Variants in STXBP4 observed in about 807,000 individuals in gnomAD.
The protein encoded by STXBP4 is syntaxin-binding protein 4.
STXBP4 carries 55 observed loss-of-function variants against 76.1 expected under a neutral mutation model. The ratio of observed to expected loss-of-function variants is 0.72; its 90% CI spans 0.58 to 0.91. STXBP4 has a LOEUF of 0.91. Ranked by LOEUF, STXBP4 falls within the 40% of genes least tolerant of loss-of-function variation. The pLI is 0.00. For synonymous variants in STXBP4, 201 were observed against 220.2 expected (o/e 0.91, Z 0.77); for missense variants, 618 against 636.9 (o/e 0.97, Z 0.32).
intron 12 of STXBP4, among the ~76,000 whole-genome samples, chr17:55,052,518 A>G (rs2078871168): frequency 1.3e-5 from 2 of 152,144 alleles, no homozygotes; most frequent in African/African-American, 4.8e-5. Flanking sequence ...TCAGTATTTT[A>G]TATCTATTTT....
At chr17:55,106,711 C>T (rs2079639296) in intron 16 of STXBP4, among the ~76,000 whole-genome samples, 1 of 152,162 alleles carries the variant, frequency 6.6e-6, no homozygotes. Context: ...ATTTCTTCTT[C>T]ACTTATGATG....
At chr17:55,000,677 C>G in intron 6 of STXBP4, 131 bp from the exon 7 acceptor site, 1 of 700,164 alleles carries the variant, frequency 1.4e-6, no homozygotes, top group Admixed American at 3.0e-5. Context: ...ATGCATATAC[C>G]AAAATTTTAG....
chr17:54,980,212 G>A (rs1335063809), intron 1 of STXBP4, among the ~76,000 whole-genome samples: 1 of 151,832 alleles, frequency 6.6e-6, no homozygotes, highest in East Asian at 1.9e-4. Flanking sequence ...GGGTGGGAGG[G>A]AAATTATTTT....
rs2080349961 is a variant in STXBP4 at position 55,162,977 on chromosome 17, A to C, written c.*3066A>C. 1 of 152,180 alleles carries C rather than the reference A, an allele frequency of 6.6e-6. No homozygotes were observed. The highest frequency in any genetic ancestry group is 2.4e-5 in the African/African-American group (1 of 41,440). The allele number at this position is 152,180 out of a possible 1,614,324, so 9.4% of individuals were successfully genotyped here. On this transcript the variant is annotated 3_prime_UTR_variant, in exon 18 of 18. Transcript: ENST00000376352. ...TGTCACAGTGAACATTTATATATTC[A>C]TTAAATCCTTTTCCTCATGTATCTT...
At chr17:55,142,920 G>T (rs2080110446) in intron 17 of STXBP4, among the ~76,000 whole-genome samples, 1 of 152,304 alleles carries the variant, frequency 6.6e-6, no homozygotes, top group Admixed American at 6.5e-5. Flanking sequence ...TCTGGAAGGG[G>T]CTCTCTAGCA....
intron 4 of STXBP4, among the ~76,000 whole-genome samples, chr17:54,998,660 GATT>G (rs2077854334): frequency 6.6e-6 from 1 of 152,072 alleles, no homozygotes. Flanking sequence ...TAGTAAAAAA[GATT>G]ATGCTGAAAT....
chr17:55,096,797 T>C, intron 16 of STXBP4, among the ~76,000 whole-genome samples: 1 of 152,140 alleles, frequency 6.6e-6, no homozygotes, highest in East Asian at 1.9e-4. Context: ...ACCTTAAAAC[T>C]GGGGATGCAC....
At chr17:55,001,907 C>T (rs1434676908) in intron 7 of STXBP4, among the ~76,000 whole-genome samples, 1 of 152,202 alleles carries the variant, frequency 6.6e-6, no homozygotes, top group East Asian at 1.9e-4. Context: ...GCTGGGATGA[C>T]AGGCGTGAGC....
At chr17:54,992,609 G>A (rs1421922176) in intron 4 of STXBP4, among the ~76,000 whole-genome samples, 3 of 151,518 alleles carry the variant, frequency 2.0e-5, no homozygotes, top group Non-Finnish European at 4.4e-5. Context: ...GTGTGTCTGT[G>A]TGTGTGTGTT....
Position 55,159,922 on chromosome 17 carries a change from T to C in STXBP4, c.*11T>C. ...AACCAGAAAAGTTGATGGTTTTCCTTAGGAAGTGGAGCTACATGGATGATG... is the reference window on the plus strand; with the variant it reads ...AACCAGAAAAGTTGATGGTTTTCCTCAGGAAGTGGAGCTACATGGATGATG... On this transcript the variant is annotated 3_prime_UTR_variant, in exon 18 of 18. Coordinates refer to ENST00000376352, the MANE Select transcript of STXBP4 (RefSeq NM_178509.6). The C allele has an allele frequency of 6.4e-7, 1 of 1,552,536 alleles. No homozygotes were observed. Among genetic ancestry groups the C allele is most frequent in the Non-Finnish European group, 8.9e-7 (1 of 1,124,282 alleles).
chr17:55,107,077 A>T (rs1449939374), intron 16 of STXBP4, among the ~76,000 whole-genome samples: 11 of 152,208 alleles, frequency 7.2e-5, no homozygotes, highest in Admixed American at 7.2e-4. Flanking sequence ...TACACCAATC[A>T]AACATAGGTT....
At chr17:55,134,977 G>A (rs2080012463) in intron 16 of STXBP4, among the ~76,000 whole-genome samples, 1 of 152,116 alleles carries the variant, frequency 6.6e-6, no homozygotes, top group African/African-American at 2.4e-5. Context: ...CCCCTTAAAT[G>A]TCTGTACATC....
chr17:55,101,010 T>G (rs2079557036), intron 16 of STXBP4, among the ~76,000 whole-genome samples: 1 of 152,126 alleles, frequency 6.6e-6, no homozygotes, highest in Admixed American at 6.5e-5. Flanking sequence ...GATTGAAGCC[T>G]TATGAGATCC....
At chr17:55,195,105 C>T in the STXBP4 span, among the ~76,000 whole-genome samples, 1 of 152,188 alleles carries the variant, frequency 6.6e-6, no homozygotes, top group Non-Finnish European at 1.5e-5. Context: ...ATCTAGGTCA[C>T]CTTATGGGTC....
At chr17:55,019,331 T>A (rs893808236) in intron 8 of STXBP4, among the ~76,000 whole-genome samples, 1 of 152,214 alleles carries the variant, frequency 6.6e-6, no homozygotes, top group African/African-American at 2.4e-5. Flanking sequence ...CTTCTCTTGC[T>A]ATTCTTTTAG....
chr17:55,118,731 G>A (rs1285334247), intron 16 of STXBP4, among the ~76,000 whole-genome samples: 1 of 151,726 alleles, frequency 6.6e-6, no homozygotes, highest in Non-Finnish European at 1.5e-5. Flanking sequence ...GGACTAAAAA[G>A]GAGTGTTCAG....
At chr17:54,997,611 TA>T (rs1199907320) in intron 4 of STXBP4, among the ~76,000 whole-genome samples, 1 of 146,670 alleles carries the variant, frequency 6.8e-6, no homozygotes, top group African/African-American at 2.5e-5. Context: ...TATATATATA[TA>T]TATTTTTTTT....
At chr17:55,193,815 G>GAA in the STXBP4 span, among the ~76,000 whole-genome samples, 26,832 of 105,614 alleles carry the variant, frequency 0.25, 3,915 homozygotes, top group Middle Eastern at 0.39. Flanking sequence ...CCTGATTTCA[G>GAA]AAAAAAAAAA....
intron 16 of STXBP4, among the ~76,000 whole-genome samples, chr17:55,102,673 C>T (rs1185996806): frequency 6.6e-6 from 1 of 152,168 alleles, no homozygotes; most frequent in East Asian, 1.9e-4. Flanking sequence ...AATGATATTT[C>T]TGGTTCTAGA....
Sources: allele counts gnomAD v4.1 joint callset (sites outside exome capture counted in the v4.1 genomes callset), GRCh38; gene constraint gnomAD v4.1.1; transcripts MANE v1.5; gene names NCBI Gene and HGNC (gene_info 2026-07-23, HGNC 2026-07-21).